Variants in RNASET2 observed in about 807,000 individuals in gnomAD.
RNASET2 encodes ribonuclease 6.
In RNASET2, 28 loss-of-function variants were observed where a neutral mutation model predicts 33.9. That is an observed-to-expected ratio of 0.83 (90% CI 0.61 to 1.13). The LOEUF is 1.13. Among genes scored for constraint, RNASET2 ranks in the 50% most tolerant of loss-of-function variants. The probability of loss-of-function intolerance (pLI) is 0.00; values close to 1 mark genes in which losing one functional copy is unlikely to be tolerated. For synonymous variants in RNASET2, 123 were observed against 121.0 expected (o/e 1.02, Z -0.11); for missense variants, 330 against 319.9 (o/e 1.03, Z -0.24).
chr6:166,934,062 A>G (rs575265045), intron 7 of RNASET2, 29 bp downstream of exon 7: 1 of 1,585,412 alleles, frequency 6.3e-7, no homozygotes, highest in South Asian at 1.1e-5. Flanking sequence ...GGAGAGACAC[A>G]CGAGAAAAGA....
intron 5 of RNASET2, 74 bp downstream of exon 5, chr6:166,942,945 C>T: frequency 8.1e-7 from 1 of 1,238,870 alleles, no homozygotes; most frequent in South Asian, 1.2e-5. Context: ...ACAGTTTCCA[C>T]TTCTAGCGAT....
At chr6:166,949,869 T>G (rs1778941441) in intron 2 of RNASET2, among the ~76,000 whole-genome samples, 1 of 152,212 alleles carries the variant, frequency 6.6e-6, no homozygotes, top group Admixed American at 6.5e-5. Flanking sequence ...ACAGGCAGAC[T>G]GAGCATCTTT....
Position 166,929,671 on chromosome 6 carries a change from T to C in RNASET2, c.688A>G (p.Asn230Asp). The C allele has an allele frequency of 6.2e-7, 1 of 1,614,114 alleles. No individual in the cohort carries two copies. The change falls in exon 9 of 9, where the codon AAT (asparagine) becomes GAT (aspartate). Residue 230 changes from asparagine (N) to aspartate (D), a missense_variant. Coordinates refer to ENST00000508775, the MANE Select transcript of RNASET2 (RefSeq NM_003730.6). ...PSPKQEVWLA[N>D]GAAESRGLRV... ...AGACCCCGGCTCTCGGCGGCCCCAT[T>C]TGCCAGCCAGACTTCCTGCTTGGGG...
chr6:166,939,126 G>A (rs1014113737), intron 5 of RNASET2, 118 bp from the exon 6 acceptor site: 5 of 773,956 alleles, frequency 6.5e-6, no homozygotes, highest in Admixed American at 3.6e-5. Flanking sequence ...CTGAGATCAG[G>A]AGTTTGAGAC....
At chr6:166,930,849 A>G (rs1481784537) in intron 8 of RNASET2, among the ~76,000 whole-genome samples, 195 bp downstream of exon 8, 8 of 150,672 alleles carry the variant, frequency 5.3e-5, no homozygotes, top group Non-Finnish European at 8.9e-5. Flanking sequence ...GCATGTACAC[A>G]CACATGCACA....
intron 6 of RNASET2, among the ~76,000 whole-genome samples, chr6:166,936,318 AG>A (rs1267330556): frequency 1.3e-5 from 2 of 150,978 alleles, no homozygotes; most frequent in Non-Finnish European, 2.9e-5. Context: ...GAATCCCCAC[AG>A]GAACTCCAGG....
At chr6:166,952,976 T>C in intron 1 of RNASET2, 1 of 214,004 alleles carries the variant, frequency 4.7e-6, no homozygotes. Flanking sequence ...TTTTTTGTAA[T>C]TCATTTGGCA....
chr6:166,947,458 A>C (rs1371868353), intron 3 of RNASET2, among the ~76,000 whole-genome samples: 1 of 152,158 alleles, frequency 6.6e-6, no homozygotes, highest in Non-Finnish European at 1.5e-5. Context: ...CTGGACCAGC[A>C]TGTGAAACCT....
At position 166,931,085 on chromosome 6, in the gene RNASET2, A is replaced by G. The variant is rs1778426211; in HGVS notation, c.526T>C (p.Tyr176His). 6.2e-7 allele frequency: 1 copy of G among 1,612,608 alleles called. No individual in the cohort carries two copies. The highest frequency in any genetic ancestry group is 8.5e-7 in the Non-Finnish European group (1 of 1,178,596). The change falls in exon 8 of 9, where the codon TAT becomes CAT. Residue 176 changes from tyrosine to histidine, a missense_variant. Tyr to His is a moderately conservative substitution (Grantham distance 83). Coordinates refer to ENST00000508775, the MANE Select transcript of RNASET2 (RefSeq NM_003730.6). ...ADFKDALARV[Y>H]GVIPKIQCLP... ...CACTGGATTTTGGGTATCACTCCAT[A>G]TACTCTGGCAAGGGCATCTTTAAAA...
At chr6:166,953,765 C>A (rs1779042141) in intron 1 of RNASET2, among the ~76,000 whole-genome samples, 1 of 151,796 alleles carries the variant, frequency 6.6e-6, no homozygotes, top group South Asian at 2.1e-4. Flanking sequence ...GTAGTCCCAG[C>A]TACTTGGAAG....
intron 2 of RNASET2, among the ~76,000 whole-genome samples, chr6:166,949,565 G>A (rs896266202): frequency 4.0e-5 from 6 of 148,786 alleles, no homozygotes; most frequent in Non-Finnish European, 8.9e-5. Flanking sequence ...CCAGATAAGT[G>A]AAACTGCATT....
At chr6:166,942,554 T>C (rs144968548) in intron 5 of RNASET2, among the ~76,000 whole-genome samples, 1 of 152,274 alleles carries the variant, frequency 6.6e-6, no homozygotes, top group East Asian at 1.9e-4. Context: ...TGATCACAGC[T>C]CATTGCAACC....
At chr6:166,945,702 T>C (rs1315787491) in intron 4 of RNASET2, among the ~76,000 whole-genome samples, 3 of 151,768 alleles carry the variant, frequency 2.0e-5, no homozygotes, top group Non-Finnish European at 4.4e-5. Flanking sequence ...TGGTGGCGCA[T>C]GCCTGTAATC....
intron 7 of RNASET2, chr6:166,931,945 T>G (rs1451036017): frequency 2.0e-5 from 3 of 153,750 alleles, no homozygotes; most frequent in African/African-American, 7.2e-5. Flanking sequence ...TCTCCTTCAC[T>G]TATGGCGAGT....
rs1194253869 is a variant in RNASET2 at position 166,938,596 on chromosome 6, G to C, written c.446+299C>G. ...TTTATCAGGAATCATGGCTGAGAAC[G>C]GCACATGCTGGTTGGAGTCCTCGTT... On this transcript the variant is annotated intron_variant, in intron 6 of 8. Coordinates refer to ENST00000508775, the MANE Select transcript of RNASET2 (RefSeq NM_003730.6). 4 of 652,430 alleles carry C rather than the reference G, an allele frequency of 6.1e-6. No homozygotes were observed. The African/African-American group carries it at 7.1e-5, about 12-fold the overall frequency. 40.4% of individuals were successfully genotyped at this position (652,430 alleles called of 1,614,324 possible).
chr6:166,930,921 A>G, intron 8 of RNASET2, 123 bp downstream of exon 8: 1 of 785,072 alleles, frequency 1.3e-6, no homozygotes. Context: ...ATGCCCACAT[A>G]TACAGACACA....
intron 8 of RNASET2, among the ~76,000 whole-genome samples, chr6:166,930,491 C>G (rs1356587955): frequency 6.7e-6 from 1 of 150,230 alleles, no homozygotes; most frequent in Non-Finnish European, 1.5e-5. Flanking sequence ...ACGCACATGC[C>G]CACACAGCAC....
chr6:166,956,194 G>A lies in RNASET2; in HGVS notation c.-12C>T. ...GCTGCAGGGCGCATGGTGCCGACCT[G>A]CGGAGAGAACGCTGCCAGCTGCCGC... On this transcript the variant is annotated 5_prime_UTR_variant, in exon 1 of 9. Coordinates refer to ENST00000508775, the MANE Select transcript of RNASET2 (RefSeq NM_003730.6). The A allele has an allele frequency of 6.5e-7, 1 of 1,546,922 alleles. No homozygotes were observed. The highest frequency in any genetic ancestry group is 8.7e-7 in the Non-Finnish European group (1 of 1,145,210).
chr6:166,935,555 C>G (rs1380890655), intron 6 of RNASET2, among the ~76,000 whole-genome samples: 1 of 152,228 alleles, frequency 6.6e-6, no homozygotes, highest in Non-Finnish European at 1.5e-5. Flanking sequence ...GGTACTCTAG[C>G]ACGTGCCATC....
Sources: gnomAD v4.1 joint callset for allele counts (sites outside exome capture counted in the v4.1 genomes callset) on GRCh38, gnomAD v4.1.1 for gene constraint, MANE v1.5 for transcripts, NCBI Gene and HGNC (gene_info 2026-07-23, HGNC 2026-07-21) for gene names.